Variants in FOXP2 observed in about 807,000 individuals in gnomAD.
The protein encoded by FOXP2 is forkhead box P2.
In FOXP2, 12 loss-of-function variants were observed where a neutral mutation model predicts 115.8. That is an observed-to-expected ratio of 0.10 (90% CI 0.07 to 0.17). The LOEUF (loss-of-function observed/expected upper bound fraction) is 0.17. Ranked by LOEUF, FOXP2 falls within the 10% of genes least tolerant of loss-of-function variation. The pLI is 1.00. For synonymous variants in FOXP2, 328 were observed against 297.7 expected, an observed-to-expected ratio of 1.10 and a Z score of -1.05; for missense variants, 629 against 843.5, an observed-to-expected ratio of 0.75 and a Z score of 3.15.
chr7:114,231,854 C>T (rs1302616747), intron 1 of FOXP2, among the ~76,000 whole-genome samples: 1 of 152,066 alleles, frequency 6.6e-6, no homozygotes, highest in Non-Finnish European at 1.5e-5. Flanking sequence ...AACAAAAGCA[C>T]ACATAGACAA....
Position 114,601,173 on chromosome 7 carries a change from C to G in FOXP2, c.259-27367C>G, listed in dbSNP as rs186172180. ...TAGAGACAGGGTTTCGCCATGTTGG[C>G]TAGGCTGGTCTTGAACTCCTGGCCT... On this transcript the variant is annotated intron_variant, in intron 3 of 16. Transcript: ENST00000350908. 2.6e-4 allele frequency among the ~76,000 whole-genome samples: 39 copies of G among 152,192 alleles called. No individual in the cohort carries two copies. In the Middle Eastern group the frequency reaches 0.01, roughly 40 times the overall value.
intron 2 of FOXP2, among the ~76,000 whole-genome samples, chr7:114,450,008 A>C (rs1458346062): frequency 6.6e-6 from 1 of 151,796 alleles, no homozygotes; most frequent in Non-Finnish European, 1.5e-5. Context: ...AATTAATATA[A>C]AATTAAATAT....
At chr7:114,615,686 TA>T (rs1803907216) in intron 3 of FOXP2, among the ~76,000 whole-genome samples, 1 of 152,138 alleles carries the variant, frequency 6.6e-6, no homozygotes, top group Non-Finnish European at 1.5e-5. Context: ...ATTAATTAAT[TA>T]GTAGCATAAT....
At chr7:114,249,733 A>G (rs1233865971) in intron 1 of FOXP2, among the ~76,000 whole-genome samples, 2 of 152,060 alleles carry the variant, frequency 1.3e-5, no homozygotes, top group African/African-American at 4.8e-5. Flanking sequence ...TATACCCAGT[A>G]ATGAGATTGC....
At chr7:114,270,426 G>A (rs1307369112) in intron 1 of FOXP2, among the ~76,000 whole-genome samples, 1 of 152,120 alleles carries the variant, frequency 6.6e-6, no homozygotes, top group African/African-American at 2.4e-5. Flanking sequence ...ATGCAATTTT[G>A]CATTCCCACC....
chr7:114,156,483 A>G (rs1158193031), intron 1 of FOXP2, among the ~76,000 whole-genome samples: 2 of 152,104 alleles, frequency 1.3e-5, no homozygotes, highest in African/African-American at 4.8e-5. Context: ...AACTCTTTCA[A>G]CCAATTGCCA....
chr7:114,112,399 G>T (rs1483287026), intron 1 of FOXP2, among the ~76,000 whole-genome samples: 1 of 152,028 alleles, frequency 6.6e-6, no homozygotes, highest in East Asian at 1.9e-4. Flanking sequence ...CTAGGTTCAA[G>T]CAATTCTCCA....
At chr7:114,477,882 G>A (rs1796355689) in intron 2 of FOXP2, among the ~76,000 whole-genome samples, 1 of 151,738 alleles carries the variant, frequency 6.6e-6, no homozygotes, top group African/African-American at 2.4e-5. Flanking sequence ...AATTGATACT[G>A]TATATATTTA....
intron 2 of FOXP2, among the ~76,000 whole-genome samples, chr7:114,395,498 C>G (rs1673158239): frequency 6.6e-6 from 1 of 151,996 alleles, no homozygotes; most frequent in Admixed American, 6.6e-5. Context: ...TACATGGAGC[C>G]TAGAATGCCA....
chr7:114,662,262 G>T, intron 14 of FOXP2, 76 bp downstream of exon 14: 4 of 1,593,818 alleles, frequency 2.5e-6, no homozygotes, highest in Non-Finnish European at 3.4e-6. Context: ...TGGGGCTGGG[G>T]TGGGGAGACA....
At chr7:114,251,201 C>A in intron 1 of FOXP2, among the ~76,000 whole-genome samples, 1 of 152,104 alleles carries the variant, frequency 6.6e-6, no homozygotes. Flanking sequence ...TTACTGTAGC[C>A]TTGTAGTATA....
intron 1 of FOXP2, among the ~76,000 whole-genome samples, chr7:114,424,736 T>C (rs1793767410): frequency 6.6e-6 from 1 of 151,552 alleles, no homozygotes; most frequent in African/African-American, 2.4e-5. Flanking sequence ...AACCTATTTG[T>C]TTATAAACAC....
At chr7:114,625,817 T>C (rs1338011320) in intron 3 of FOXP2, among the ~76,000 whole-genome samples, 1 of 151,820 alleles carries the variant, frequency 6.6e-6, no homozygotes, top group Non-Finnish European at 1.5e-5. Flanking sequence ...TGAGCTTATA[T>C]ATGTGGATTT....
At chr7:114,297,146 C>T in intron 2 of FOXP2, 1 of 489,604 alleles carries the variant, frequency 2.0e-6, no homozygotes, top group Admixed American at 2.4e-5. Context: ...CCTCATGGCG[C>T]CCAGAACGTT....
chr7:114,604,919 A>G (rs1030536914), intron 3 of FOXP2, among the ~76,000 whole-genome samples: 3 of 152,182 alleles, frequency 2.0e-5, no homozygotes, highest in African/African-American at 7.2e-5. Context: ...TCCAGTCCCA[A>G]TTCTACCTCT....
At chr7:114,142,108 C>T (rs113380370) in intron 1 of FOXP2, among the ~76,000 whole-genome samples, 59 of 152,204 alleles carry the variant, frequency 3.9e-4, no homozygotes, top group Middle Eastern at 3.4e-3. Flanking sequence ...CTGCAACCTC[C>T]GTCTTCAGGT....
intron 2 of FOXP2, among the ~76,000 whole-genome samples, chr7:114,531,138 G>A (rs1219030334): frequency 6.6e-6 from 1 of 151,644 alleles, no homozygotes; most frequent in Non-Finnish European, 1.5e-5. Flanking sequence ...TGATACATTG[G>A]AAACAGACTC....
intron 2 of FOXP2, among the ~76,000 whole-genome samples, chr7:114,482,619 T>G (rs1375512462): frequency 6.6e-6 from 1 of 151,612 alleles, no homozygotes; most frequent in Non-Finnish European, 1.5e-5. Flanking sequence ...GCTTTTTTGG[T>G]TCTCCATCAC....
In FOXP2 at chr7:114,693,201, A is replaced by T. The variant is rs1404708619; in HGVS notation, c.*3275A>T. 25 of 452,464 alleles carry T rather than the reference A, an allele frequency of 5.5e-5. No individual in the cohort carries two copies. The East Asian group carries it at 1.7e-3, about 31-fold the overall frequency. 28.0% of individuals were successfully genotyped at this position (452,464 alleles called of 1,614,324 possible). ...CAAGTATTTGGTAGAATTACCACTA[A>T]CTGGGTTTTCTTTAGATAACTCAGA... On this transcript the variant is annotated 3_prime_UTR_variant, in exon 17 of 17. Transcript: ENST00000350908.
Sources: gnomAD v4.1 joint callset for allele counts (sites outside exome capture counted in the v4.1 genomes callset) on GRCh38, gnomAD v4.1.1 for gene constraint, MANE v1.5 for transcripts, NCBI Gene and HGNC (gene_info 2026-07-23, HGNC 2026-07-21) for gene names.